Variants in SLC16A2 observed in about 807,000 individuals in gnomAD.
The protein encoded by SLC16A2 is solute carrier family 16 member 2.
A neutral mutation model predicts 27.2 loss-of-function variants in SLC16A2; 3 were observed. The ratio of observed to expected loss-of-function variants is 0.11; its 90% CI spans 0.05 to 0.28. SLC16A2 has a LOEUF of 0.28. Ranked by LOEUF, SLC16A2 falls within the 10% of genes least tolerant of loss-of-function variation. SLC16A2 has a pLI of 1.00. For synonymous variants in SLC16A2, 202 were observed against 187.8 expected (o/e 1.08, Z -0.62); for missense variants, 295 against 458.5 (o/e 0.64, Z 3.26).
intron 1 of SLC16A2, among the ~76,000 whole-genome samples, chrX:74,494,408 A>G (rs1026556023): frequency 5.4e-5 from 6 of 111,267 alleles, no homozygotes; most frequent in African/African-American, 2.0e-4. Flanking sequence ...TTCAATATGG[A>G]GCTCTGAAAG....
At chrX:74,437,369 G>A (rs928978209) in intron 1 of SLC16A2, among the ~76,000 whole-genome samples, 1 of 112,367 alleles carries the variant, frequency 8.9e-6, no homozygotes. Flanking sequence ...GCCTCCACAT[G>A]ACGAGGAGAT....
chrX:74,526,786 A>G (rs933561561), intron 4 of SLC16A2, among the ~76,000 whole-genome samples: 1 of 112,915 alleles, frequency 8.9e-6, no homozygotes, highest in Non-Finnish European at 1.9e-5. Context: ...AGGTCAAACC[A>G]AGAGATAATC....
intron 1 of SLC16A2, among the ~76,000 whole-genome samples, chrX:74,477,449 T>G (rs1345810681): frequency 8.9e-6 from 1 of 112,014 alleles, no homozygotes; most frequent in Admixed American, 9.5e-5. Flanking sequence ...ATTCATTGAT[T>G]TTTTTAAGGG....
intron 1 of SLC16A2, among the ~76,000 whole-genome samples, chrX:74,499,793 T>A (rs1929997363): frequency 8.9e-6 from 1 of 111,742 alleles, no homozygotes; most frequent in Non-Finnish European, 1.9e-5. Flanking sequence ...TTTTTTTTAC[T>A]GGTATTATCC....
intron 2 of SLC16A2, among the ~76,000 whole-genome samples, chrX:74,523,542 A>G (rs1207582613): frequency 8.9e-6 from 1 of 111,755 alleles, no homozygotes; most frequent in Non-Finnish European, 1.9e-5. Context: ...CTGACCCTTT[A>G]TGTTACAGAG....
chrX:74,519,757 GAAAA>G (rs1359294057), intron 1 of SLC16A2, among the ~76,000 whole-genome samples: 1 of 65,369 alleles, frequency 1.5e-5, no homozygotes, highest in African/African-American at 4.4e-5. Context: ...GAAAGAAAAA[GAAAA>G]AGAAATGTTT....
intron 1 of SLC16A2, among the ~76,000 whole-genome samples, chrX:74,501,664 G>A (rs1386154687): frequency 3.6e-5 from 4 of 111,211 alleles, no homozygotes; most frequent in Non-Finnish European, 7.5e-5. Context: ...CTGGCCCACC[G>A]CATGGAAAGT....
rs1929380809 is a variant in SLC16A2, at chrX:74,472,731, C to T, written c.431-48259C>T. On this transcript the variant is annotated intron_variant, in intron 1 of 5. Coordinates refer to ENST00000587091, the MANE Select transcript of SLC16A2 (RefSeq NM_006517.5). Reference sequence around the variant, plus strand: ...TCAGACTATTACATTTAGCAATCAACAGCATGGGTGCAAAAAAAAAAAACA... The same window carrying T: ...TCAGACTATTACATTTAGCAATCAATAGCATGGGTGCAAAAAAAAAAAACA... Among the ~76,000 whole-genome samples the T allele has an allele frequency of 3.9e-5, 3 of 77,230 alleles. No individual in the cohort carries two copies. In the South Asian group the frequency reaches 2.0e-3, roughly 51 times the overall value. The allele number at this position is 77,230 out of a possible 115,157, so 67.1% of individuals were successfully genotyped here.
chrX:74,499,923 AG>A (rs1929999989), intron 1 of SLC16A2, among the ~76,000 whole-genome samples: 1 of 111,422 alleles, frequency 9.0e-6, no homozygotes, highest in African/African-American at 3.3e-5. Context: ...TCTTCAAAGA[AG>A]GGAAGGACAG....
intron 1 of SLC16A2, among the ~76,000 whole-genome samples, chrX:74,463,728 C>T (rs549732010): frequency 9.0e-6 from 1 of 111,632 alleles, no homozygotes. Context: ...AGGGTTTCAC[C>T]GTATTAGCCA....
intron 1 of SLC16A2, among the ~76,000 whole-genome samples, chrX:74,430,225 G>T (rs866385685): frequency 8.9e-6 from 1 of 112,169 alleles, no homozygotes; most frequent in South Asian, 3.7e-4. Flanking sequence ...CACAGATAAA[G>T]AGAAGCACAC....
intron 1 of SLC16A2, among the ~76,000 whole-genome samples, chrX:74,450,936 A>T (rs1240072451): frequency 8.9e-6 from 1 of 111,765 alleles, no homozygotes; most frequent in Non-Finnish European, 1.9e-5. Context: ...AAAAATATAC[A>T]CAGACCAACC....
chrX:74,490,680 G>A (rs1213857143), intron 1 of SLC16A2, among the ~76,000 whole-genome samples: 3 of 111,402 alleles, frequency 2.7e-5, no homozygotes, highest in Non-Finnish European at 5.6e-5. Flanking sequence ...GGTCACGCAG[G>A]GGCACGTTTT....
intron 1 of SLC16A2, among the ~76,000 whole-genome samples, chrX:74,454,666 A>G (rs886985601): frequency 1.8e-5 from 2 of 110,164 alleles, no homozygotes; most frequent in Non-Finnish European, 3.8e-5. Flanking sequence ...AACATGGCAC[A>G]TGTATACATA....
intron 1 of SLC16A2, among the ~76,000 whole-genome samples, chrX:74,453,013 T>C (rs1424631963): frequency 2.8e-5 from 3 of 109,055 alleles, no homozygotes; most frequent in Non-Finnish European, 5.7e-5. Flanking sequence ...TGCTAAGCCC[T>C]AGCTCCCTTA....
At chrX:74,470,335 C>T (rs1929331849) in intron 1 of SLC16A2, among the ~76,000 whole-genome samples, 2 of 111,982 alleles carry the variant, frequency 1.8e-5, no homozygotes, top group Admixed American at 9.5e-5. Context: ...TGGGTAAATA[C>T]CAAGGAGCAC....
chrX:74,448,302 A>AT (rs144467927), intron 1 of SLC16A2, among the ~76,000 whole-genome samples: 2,145 of 64,096 alleles, frequency 0.033, 27 homozygotes, highest in Non-Finnish European at 0.049. Flanking sequence ...AATCCTTTGG[A>AT]TTTTTTTTTT....
chrX:74,463,802 C>T (rs891105946), intron 1 of SLC16A2, among the ~76,000 whole-genome samples: 3 of 112,522 alleles, frequency 2.7e-5, no homozygotes, highest in South Asian at 3.7e-4. Context: ...GCTGGGATTA[C>T]AGGCGTGAGC....
Position 74,473,252 on chromosome X carries a change from C to T in SLC16A2, c.431-47738C>T, listed in dbSNP as rs772189263. The T allele has an allele frequency of 2.1e-4, 158 of 738,239 alleles. 1 individual carries two copies. Among genetic ancestry groups the T allele is most frequent in the Non-Finnish European group, 2.6e-4 (124 of 479,262 alleles). 60.8% of individuals were successfully genotyped at this position (738,239 alleles called of 1,213,427 possible). A position where few individuals can be genotyped will look rare whatever the true frequency, so the allele number is the denominator to read the frequency against. Reference sequence around the variant, plus strand: ...CCAAATCCATTATAGCCATCCCCACCGCCACCATAACCACCACCACCATGA... The same window carrying T: ...CCAAATCCATTATAGCCATCCCCACTGCCACCATAACCACCACCACCATGA... On this transcript the variant is annotated intron_variant, in intron 1 of 5. Coordinates refer to ENST00000587091, the MANE Select transcript of SLC16A2 (RefSeq NM_006517.5).
Sources: allele counts gnomAD v4.1 joint callset (sites outside exome capture counted in the v4.1 genomes callset), GRCh38; gene constraint gnomAD v4.1.1; transcripts MANE v1.5; gene names NCBI Gene and HGNC (gene_info 2026-07-23, HGNC 2026-07-21).